The following PDE4D variants were observed in gnomAD, a reference collection of about 807,000 sequenced individuals.
The protein encoded by PDE4D is phosphodiesterase 4D, also known as 3',5'-cyclic-AMP phosphodiesterase 4D.
In PDE4D, 24 loss-of-function variants were observed where a neutral mutation model predicts 87.4. That is an observed-to-expected ratio of 0.27 (90% CI 0.20 to 0.39). The LOEUF is 0.39. Ranked by LOEUF, PDE4D falls within the 10% of genes least tolerant of loss-of-function variation. The pLI, the probability that PDE4D is intolerant of heterozygous loss-of-function variation, is 1.00. For synonymous variants in PDE4D, 384 were observed against 383.2 expected, an observed-to-expected ratio of 1.00 and a Z score of -0.02; for missense variants, 714 against 1,041.0, an observed-to-expected ratio of 0.69 and a Z score of 4.32.
chr5:60,004,496 T>TTATTATGTTTTTTCAAATATTTTTCAAA (rs1764293780), intron 2 of PDE4D, among the ~76,000 whole-genome samples: 4 of 152,166 alleles, frequency 2.6e-5, no homozygotes, highest in Non-Finnish European at 5.9e-5. Context: ...TTTTATTGTT[T>TTATTATGTTTTTTCAAATATTTTTCAAA]TATTATGTTT....
intron 1 of PDE4D, among the ~76,000 whole-genome samples, chr5:59,249,725 T>A (rs757017348): frequency 1.3e-5 from 2 of 152,196 alleles, no homozygotes; most frequent in Non-Finnish European, 2.9e-5. Context: ...ATTAGTATCA[T>A]ACTTGCTTGG....
chr5:59,166,585 C>T (rs1348459931), intron 5 of PDE4D, among the ~76,000 whole-genome samples: 1 of 152,192 alleles, frequency 6.6e-6, no homozygotes, highest in Non-Finnish European at 1.5e-5. Flanking sequence ...TTATTCCACA[C>T]ATTGCCATCA....
intron 1 of PDE4D, among the ~76,000 whole-genome samples, chr5:59,453,385 G>A (rs772878946): frequency 1.3e-5 from 2 of 152,154 alleles, no homozygotes; most frequent in Non-Finnish European, 2.9e-5. Context: ...AGCTAGAAAA[G>A]ATTAAGCTTG....
chr5:59,104,638 G>A (rs549508492), intron 5 of PDE4D, among the ~76,000 whole-genome samples: 7 of 151,778 alleles, frequency 4.6e-5, no homozygotes, highest in South Asian at 2.1e-4. Flanking sequence ...ATTACTTTGC[G>A]TTTTATTCAA....
At chr5:59,607,410 T>C (rs1414329287) in intron 1 of PDE4D, among the ~76,000 whole-genome samples, 1 of 152,112 alleles carries the variant, frequency 6.6e-6, no homozygotes, top group Non-Finnish European at 1.5e-5. Flanking sequence ...TCATTAAAAA[T>C]CAATCCAATG....
chr5:60,122,529 C>T (rs571923460), intron 2 of PDE4D, among the ~76,000 whole-genome samples: 2 of 152,348 alleles, frequency 1.3e-5, no homozygotes, highest in Admixed American at 6.5e-5. Context: ...AGCCATAGCA[C>T]GAGCTGTACT....
intron 1 of PDE4D, among the ~76,000 whole-genome samples, chr5:59,259,389 T>C (rs1761557296): frequency 6.6e-6 from 1 of 151,916 alleles, no homozygotes; most frequent in Non-Finnish European, 1.5e-5. Context: ...CAAACTGCCC[T>C]GGAATTTTAA....
At chr5:59,539,118 T>G (rs1218294532) in intron 1 of PDE4D, among the ~76,000 whole-genome samples, 3 of 152,208 alleles carry the variant, frequency 2.0e-5, no homozygotes, top group African/African-American at 7.2e-5. Context: ...GCTTTACCAC[T>G]GGACCTCTGG....
chr5:60,472,001 T>C (rs1303357467), intron 1 of PDE4D, among the ~76,000 whole-genome samples: 3 of 152,092 alleles, frequency 2.0e-5, no homozygotes, highest in Admixed American at 2.0e-4. Context: ...TTTTTACCGA[T>C]AGTTATATGG....
At chr5:60,298,734 A>T (rs1222233316) in intron 1 of PDE4D, among the ~76,000 whole-genome samples, 1 of 152,210 alleles carries the variant, frequency 6.6e-6, no homozygotes, top group Non-Finnish European at 1.5e-5. Flanking sequence ...GTATCCATCA[A>T]TGAGGATGAT....
chr5:60,474,107 T>TATATATATATGTGTAC (rs1748092089), intron 1 of PDE4D, among the ~76,000 whole-genome samples: 2 of 44,840 alleles, frequency 4.5e-5, no homozygotes, highest in South Asian at 9.7e-4. Context: ...TGAGCTGCCA[T>TATATATATATGTGTAC]ATATATATAT....
intron 3 of PDE4D, among the ~76,000 whole-genome samples, chr5:59,923,241 C>T (rs1164084320): frequency 6.6e-6 from 1 of 152,164 alleles, no homozygotes; most frequent in African/African-American, 2.4e-5. Flanking sequence ...GGTCCTGGCT[C>T]CCATATGGCA....
chr5:60,106,334 A>G (rs542110425), intron 2 of PDE4D, among the ~76,000 whole-genome samples: 51 of 152,016 alleles, frequency 3.4e-4, no homozygotes, highest in African/African-American at 1.2e-3. Context: ...TGCACCCAAT[A>G]CAGGAGCACC....
At chr5:59,529,304 A>G in intron 1 of PDE4D, 1 of 321,610 alleles carries the variant, frequency 3.1e-6, no homozygotes, top group South Asian at 3.5e-5. Context: ...TTGTCTATTA[A>G]TCATTAAAAA....
At position 59,827,537 on chromosome 5, in the gene PDE4D, G is replaced by A. The variant is rs565405047; in HGVS notation, c.455+65631C>T. Among the ~76,000 whole-genome samples, 8 of 152,232 alleles carry A rather than the reference G, an allele frequency of 5.3e-5. No homozygotes were observed. The South Asian group carries it at 8.3e-4, about 16-fold the overall frequency. On this transcript the variant is annotated intron_variant, in intron 1 of 14. Transcript: ENST00000340635. The stretch of plus-strand genomic sequence containing the variant: ...TAAACCATTCAATGTCTGTTTACAC[G>A]TTTCACAATTTTGTCTAATACTCAC...
At chr5:59,217,985 CT>C in intron 1 of PDE4D, 2 of 485,680 alleles carry the variant, frequency 4.1e-6, no homozygotes, top group Non-Finnish European at 4.1e-6. Flanking sequence ...GGATGAATGA[CT>C]AACTCAGGCT....
rs1427420368 is a variant in PDE4D, at chr5:60,030,449, TC to T, written c.43-41733del. The stretch of plus-strand genomic sequence containing the variant: ...TCCGGCCTGGGCGACAGAGCGAGAC[TC>T]CGTCTCAAAAAACAAAAAAACAAAA... On this transcript the variant is annotated intron_variant, in intron 2 of 16. Coordinates refer to the PDE4D transcript ENST00000502484. Among the ~76,000 whole-genome samples the T allele has an allele frequency of 1.4e-4, 21 of 152,208 alleles. 1 individual carries two copies. The East Asian group carries it at 4.1e-3, about 29-fold the overall frequency.
At chr5:59,461,113 G>A (rs535244779) in intron 1 of PDE4D, among the ~76,000 whole-genome samples, 50 of 152,186 alleles carry the variant, frequency 3.3e-4, no homozygotes, top group African/African-American at 1.0e-3. Context: ...TGGGGAGCAC[G>A]CTGCTTTGTT....
At chr5:60,288,180 C>A (rs760565423) in intron 1 of PDE4D, among the ~76,000 whole-genome samples, 3 of 152,190 alleles carry the variant, frequency 2.0e-5, no homozygotes, top group Admixed American at 1.3e-4. Context: ...TTTTCCCCCT[C>A]AAATCTGCAA....
Sources: allele counts gnomAD v4.1 joint callset (sites outside exome capture counted in the v4.1 genomes callset), GRCh38; gene constraint gnomAD v4.1.1; transcripts MANE v1.5; gene names NCBI Gene and HGNC (gene_info 2026-07-23, HGNC 2026-07-21).